Variants in MAP4K1 observed in about 807,000 individuals in gnomAD.
The protein encoded by MAP4K1 is MAPK/ERK kinase kinase kinase 1.
In MAP4K1, 35 loss-of-function variants were observed where a neutral mutation model predicts 122.8. The ratio of observed to expected loss-of-function variants is 0.29; its 90% CI spans 0.22 to 0.38. The LOEUF (loss-of-function observed/expected upper bound fraction) is 0.38. MAP4K1 is among the 10% of genes least tolerant of loss of function. The probability of loss-of-function intolerance (pLI) is 1.00; values close to 1 mark genes in which losing one functional copy is unlikely to be tolerated. For missense variants in MAP4K1, 791 were observed against 1,072.6 expected (o/e 0.74, Z 3.67); for synonymous variants, 412 against 421.3 (o/e 0.98, Z 0.27).
intron 25 of MAP4K1, 62 bp from the exon 26 acceptor site, chr19:38,596,548 T>C (rs1318599619): frequency 8.1e-6 from 11 of 1,362,292 alleles, no homozygotes. Flanking sequence ...TCAGGGGGCG[T>C]GGCTTGTAGC....
At chr19:38,588,473 T>G (rs1424373718) in intron 30 of MAP4K1, among the ~76,000 whole-genome samples, 1 of 151,994 alleles carries the variant, frequency 6.6e-6, no homozygotes, top group Non-Finnish European at 1.5e-5. Flanking sequence ...GGCAGATCAC[T>G]TGAGGTCAGG....
chr19:38,608,068 G>C, intron 14 of MAP4K1, 35 bp from the exon 15 acceptor site: 1 of 1,571,880 alleles, frequency 6.4e-7, no homozygotes, highest in Non-Finnish European at 8.6e-7. Context: ...AGTGGCCTCA[G>C]GGAAGCAGGC....
chr19:38,595,831 A>C, intron 27 of MAP4K1, 102 bp from the exon 28 acceptor site: 3 of 1,502,592 alleles, frequency 2.0e-6, no homozygotes, highest in Non-Finnish European at 2.8e-6. Context: ...GGACAGGGGC[A>C]AGGCCCAGAG....
intron 29 of MAP4K1, among the ~76,000 whole-genome samples, chr19:38,594,672 C>T (rs1974816538): frequency 6.6e-6 from 1 of 151,706 alleles, no homozygotes; most frequent in African/African-American, 2.4e-5. Context: ...GGAGTGGTGG[C>T]TCACACCTGT....
rs1975196766 is a variant in MAP4K1, at chr19:38,603,204, AC to A, written c.1447-1680del. Among the ~76,000 whole-genome samples the A allele has an allele frequency of 3.4e-5, 5 of 144,984 alleles. No homozygotes were observed. In the South Asian group the frequency reaches 1.1e-3, roughly 32 times the overall value. ...CATATATACGCATATACATATATAC[AC>A]ATACATATATACACATATACATATA... On this transcript the variant is annotated intron_variant, in intron 19 of 30. Coordinates refer to ENST00000396857, the MANE Select transcript of MAP4K1 (RefSeq NM_001042600.3).
chr19:38,604,035 T>G (rs929952478), intron 19 of MAP4K1, among the ~76,000 whole-genome samples: 1 of 138,746 alleles, frequency 7.2e-6, no homozygotes. Context: ...GTGAGGTGCA[T>G]GGATTGCTTG....
chr19:38,593,378 C>T, intron 29 of MAP4K1, 41 bp from the exon 30 acceptor site: 1 of 1,547,006 alleles, frequency 6.5e-7, no homozygotes, highest in Non-Finnish European at 8.8e-7. Context: ...TGGAAGATAC[C>T]TCCACTGTCA....
intron 9 of MAP4K1, among the ~76,000 whole-genome samples, chr19:38,611,810 A>T (rs908318208): frequency 2.2e-4 from 34 of 151,562 alleles, no homozygotes; most frequent in East Asian, 2.0e-3. Flanking sequence ...TAATTAATTT[A>T]AAAAATGTCT....
chr19:38,611,064 G>A lies in MAP4K1; in HGVS notation c.797C>T (p.Thr266Ile). 2 of 1,612,868 alleles carry A rather than the reference G, an allele frequency of 1.2e-6. No individual in the cohort carries two copies. The highest frequency in any genetic ancestry group is 4.5e-5 in the East Asian group (2 of 44,858). ...TKSPKKRPSA[T>I]KMLSHQLVSQ... ...AGGGAGGGTTACACTGAGCATCTTG[G>A]TGGCGCTGGGTCGTTTCTTGGGACT... The change falls in exon 11 of 31, where the codon ACC becomes ATC. Residue 266 changes from threonine to isoleucine, a missense_variant. Coordinates refer to ENST00000396857, the MANE Select transcript of MAP4K1 (RefSeq NM_001042600.3).
intron 29 of MAP4K1, 77 bp downstream of exon 29, chr19:38,595,408 G>T (rs944600790): frequency 2.0e-6 from 3 of 1,474,024 alleles, no homozygotes; most frequent in African/African-American, 1.4e-5. Context: ...TGACTCAGGA[G>T]TTCTCGGAGC....
At chr19:38,602,535 TACACATATACATATATATAC>T (rs1367935093) in intron 19 of MAP4K1, among the ~76,000 whole-genome samples, 3 of 149,136 alleles carry the variant, frequency 2.0e-5, no homozygotes, top group African/African-American at 7.4e-5. Flanking sequence ...TATACATATA[TACACATATACATATATATAC>T]ACACATATAC....
intron 19 of MAP4K1, 31 bp downstream of exon 19, chr19:38,605,378 G>A: frequency 1.3e-6 from 2 of 1,487,912 alleles, no homozygotes; most frequent in South Asian, 2.4e-5. Context: ...CCCGTCCAGA[G>A]GTGTAAGTCC....
At chr19:38,616,102 A>AT in intron 4 of MAP4K1, 93 bp downstream of exon 4, 1 of 869,534 alleles carries the variant, frequency 1.2e-6, no homozygotes, top group Non-Finnish European at 1.8e-6. Flanking sequence ...TTCCTGTGAG[A>AT]TACACACACA....
In MAP4K1 at chr19:38,597,090, T is replaced by A; in HGVS notation, c.1885A>T (p.Thr629Ser). 1 of 1,614,034 alleles carries A rather than the reference T, an allele frequency of 6.2e-7. No homozygotes were observed. The highest frequency in any genetic ancestry group is 1.7e-5 in the Admixed American group (1 of 60,000). The change falls in exon 25 of 31, where the codon ACG becomes TCG. Residue 629 changes from threonine to serine, a missense_variant. Around this residue, in one of 4 missense-constraint regions of MAP4K1, gnomAD observed 267 missense variants for 323.0 expected, o/e 0.83. Coordinates refer to ENST00000396857, the MANE Select transcript of MAP4K1 (RefSeq NM_001042600.3). The surrounding 1 kb of genome is among the most constrained non-coding windows in gnomAD (Gnocchi z 4.6). ...TACCACTGAAGCAGGACAACGGACG[T>A]CTCCAATGCACCGCACAGGAACGGG... ...GGPFLCGALE[T>S]SVVLLQWYQP...
chr19:38,592,580 T>C (rs1974759720), intron 30 of MAP4K1: 1 of 144,576 alleles, frequency 6.9e-6, no homozygotes, highest in Non-Finnish European at 1.5e-5. Context: ...GTGTCAAAAA[T>C]AAATTTTAAA....
intron 8 of MAP4K1, among the ~76,000 whole-genome samples, chr19:38,613,521 T>C (rs1975561938): frequency 6.6e-6 from 1 of 150,726 alleles, no homozygotes; most frequent in Non-Finnish European, 1.5e-5. Flanking sequence ...TGAGACCCTG[T>C]CTCTAAAAAC....
rs1555811720 is a variant in MAP4K1 at position 38,608,828 on chromosome 19, A to AAAAAAAAAAAAC, written c.1007-659_1007-658insGTTTTTTTTTTT. On this transcript the variant is annotated intron_variant, in intron 13 of 30. Transcript: ENST00000396857. ...AAAAAAAAAAAAAAAAAAAAAAAAA[A>AAAAAAAAAAAAC]ACATTAGCCACGCGTGGTGAATAAG... Among the ~76,000 whole-genome samples the AAAAAAAAAAAAC allele has an allele frequency of 3.5e-3, 476 of 137,234 alleles. 30 individuals carry two copies. Among genetic ancestry groups the AAAAAAAAAAAAC allele is most frequent in the Non-Finnish European group, 6.1e-3 (372 of 61,430 alleles). 90.0% of individuals were successfully genotyped at this position (137,234 alleles called of 152,430 possible).
At chr19:38,605,296 C>T (rs1759356941) in intron 19 of MAP4K1, 113 bp downstream of exon 19, 5 of 780,414 alleles carry the variant, frequency 6.4e-6, no homozygotes, top group South Asian at 3.3e-5. Context: ...CACAGAGAAG[C>T]GCTCAACAAA....
chr19:38,592,680 G>A (rs1974762256), intron 30 of MAP4K1, among the ~76,000 whole-genome samples: 1 of 152,106 alleles, frequency 6.6e-6, no homozygotes, highest in Non-Finnish European at 1.5e-5. Flanking sequence ...CACTTTGGGA[G>A]GCCGAGGCAG....
Sources: allele counts gnomAD v4.1 joint callset (sites outside exome capture counted in the v4.1 genomes callset), GRCh38; gene constraint gnomAD v4.1.1; regional missense constraint gnomAD v4.1.1; non-coding constraint Gnocchi (gnomAD v3.1); transcripts MANE v1.5; gene names NCBI Gene and HGNC (gene_info 2026-07-23, HGNC 2026-07-21).